Variants in CNTNAP2 observed in about 807,000 individuals in gnomAD.
CNTNAP2 encodes contactin associated protein 2, also known as contactin-associated protein-like 2.
In CNTNAP2, 98 loss-of-function variants were observed where a neutral mutation model predicts 155.2. That is an observed-to-expected ratio of 0.63 (90% confidence interval 0.54 to 0.75). The LOEUF (loss-of-function observed/expected upper bound fraction) is 0.75. Among genes scored for constraint, CNTNAP2 ranks in the 30% least tolerant of loss-of-function variants. The pLI, the probability that CNTNAP2 is intolerant of heterozygous loss-of-function variation, is 0.00. For missense variants in CNTNAP2, 1,727 were observed against 1,688.1 expected (o/e 1.02, Z -0.40); for synonymous variants, 651 against 631.2 (o/e 1.03, Z -0.47).
At chr7:146,142,794 C>T (rs1242140608) in intron 1 of CNTNAP2, among the ~76,000 whole-genome samples, 1 of 152,050 alleles carries the variant, frequency 6.6e-6, no homozygotes, top group African/African-American at 2.4e-5. Flanking sequence ...TGATTATTCC[C>T]AAATTGAGAG....
At chr7:146,214,448 C>T (rs1799083795) in intron 1 of CNTNAP2, among the ~76,000 whole-genome samples, 1 of 152,174 alleles carries the variant, frequency 6.6e-6, no homozygotes, top group Non-Finnish European at 1.5e-5. Flanking sequence ...TCCACGTTCA[C>T]CTTGTTTGCC....
chr7:147,236,421 GTT>G lies in CNTNAP2; in HGVS notation c.1349-63708_1349-63707del, dbSNP rs11341712. Among the ~76,000 whole-genome samples, 425 of 139,066 alleles carry G rather than the reference GTT, an allele frequency of 3.1e-3. 2 individuals are homozygous for G. Among genetic ancestry groups the G allele is most frequent in the African/African-American group, 4.8e-3 (182 of 37,962 alleles). The allele number at this position is 139,066 out of a possible 152,430, so 91.2% of individuals were successfully genotyped here. On this transcript the variant is annotated intron_variant, in intron 8 of 23. Transcript: ENST00000361727. ...AACAATTACATTTTATTTTAAGCTT[GTT>G]TTTTTTTTTTTAACAGTCTATCCTC...
At chr7:146,809,726 A>T (rs1400054848) in intron 2 of CNTNAP2, among the ~76,000 whole-genome samples, 2 of 152,094 alleles carry the variant, frequency 1.3e-5, no homozygotes, top group Non-Finnish European at 1.5e-5. Flanking sequence ...ATTGTTTTGT[A>T]ATTGAGTTCC....
In CNTNAP2 at chr7:146,657,483, A is replaced by G. The variant is rs975843171; in HGVS notation, c.98-116788A>G. Among the ~76,000 whole-genome samples the G allele has an allele frequency of 7.9e-5, 12 of 152,124 alleles. No homozygotes were observed. In the East Asian group the frequency reaches 1.7e-3, roughly 22 times the overall value. Reference sequence around the variant, plus strand: ...ATTTCTAGTAGCTACTTCAAAAAACAAGTTTTCTGAGTTGCTCTCTTATTT... The same window carrying G: ...ATTTCTAGTAGCTACTTCAAAAAACGAGTTTTCTGAGTTGCTCTCTTATTT... On this transcript the variant is annotated intron_variant, in intron 1 of 23. Transcript: ENST00000361727.
At chr7:147,745,190 C>T (rs528800572) in intron 13 of CNTNAP2, among the ~76,000 whole-genome samples, 7 of 152,276 alleles carry the variant, frequency 4.6e-5, no homozygotes, top group African/African-American at 1.7e-4. Context: ...CTCTCTGTGA[C>T]TGAATCAAAT....
chr7:147,106,603 T>A (rs1167575243), intron 4 of CNTNAP2, among the ~76,000 whole-genome samples: 1 of 152,156 alleles, frequency 6.6e-6, no homozygotes, highest in Non-Finnish European at 1.5e-5. Context: ...TTTTATAATA[T>A]AACATTGTAC....
intron 18 of CNTNAP2, among the ~76,000 whole-genome samples, chr7:148,174,418 C>CG (rs1794895006): frequency 2.7e-5 from 1 of 36,404 alleles, no homozygotes; most frequent in Non-Finnish European, 6.3e-5. Flanking sequence ...GTTCCTGTGA[C>CG]CGCCCCCCAC....
intron 14 of CNTNAP2, among the ~76,000 whole-genome samples, chr7:147,957,516 CAGGGGAG>C (rs1430014011): frequency 6.6e-6 from 1 of 151,920 alleles, no homozygotes; most frequent in East Asian, 1.9e-4. Context: ...AGGGTATCAC[CAGGGGAG>C]TAGGTGGCTG....
chr7:146,734,330 G>A (rs1042797898), intron 1 of CNTNAP2, among the ~76,000 whole-genome samples: 1 of 152,064 alleles, frequency 6.6e-6, no homozygotes, highest in African/African-American at 2.4e-5. Flanking sequence ...TTTTCAAAAA[G>A]CATGTTAGGA....
intron 1 of CNTNAP2, among the ~76,000 whole-genome samples, chr7:146,502,758 A>C (rs2129133631): frequency 6.6e-6 from 1 of 152,140 alleles, no homozygotes; most frequent in African/African-American, 2.4e-5. Flanking sequence ...GCATGCTGCA[A>C]GCGTGCACCA....
chr7:147,156,279 T>C (rs572808522), intron 8 of CNTNAP2, among the ~76,000 whole-genome samples: 6 of 152,324 alleles, frequency 3.9e-5, no homozygotes, highest in Admixed American at 1.3e-4. Flanking sequence ...TTGCCACTTT[T>C]GGTATTACAC....
intron 19 of CNTNAP2, among the ~76,000 whole-genome samples, chr7:148,221,140 G>A (rs956571180): frequency 6.6e-6 from 1 of 152,112 alleles, no homozygotes; most frequent in Non-Finnish European, 1.5e-5. Flanking sequence ...TCATGCCTGT[G>A]TGAGGACTTT....
At chr7:146,788,139 C>T (rs1315628743) in intron 2 of CNTNAP2, among the ~76,000 whole-genome samples, 1 of 152,188 alleles carries the variant, frequency 6.6e-6, no homozygotes, top group Admixed American at 6.5e-5. Flanking sequence ...AGCTTGTCCC[C>T]CAAACAAGCC....
intron 3 of CNTNAP2, among the ~76,000 whole-genome samples, chr7:146,919,840 C>T (rs1165274562): frequency 6.6e-6 from 1 of 152,094 alleles, no homozygotes. Context: ...TCTGTGGATT[C>T]TTTTGGCTTT....
At chr7:147,712,732 C>T (rs549050807) in intron 13 of CNTNAP2, among the ~76,000 whole-genome samples, 3 of 152,160 alleles carry the variant, frequency 2.0e-5, no homozygotes, top group South Asian at 2.1e-4. Flanking sequence ...CATCACACAC[C>T]GGGGCCTGTC....
intron 20 of CNTNAP2, among the ~76,000 whole-genome samples, chr7:148,264,765 G>C (rs1474261684): frequency 6.6e-6 from 1 of 152,068 alleles, no homozygotes; most frequent in African/African-American, 2.4e-5. Flanking sequence ...CGCGATCTCG[G>C]CTCACTGGAA....
At chr7:146,349,586 T>C (rs1794881230) in intron 1 of CNTNAP2, among the ~76,000 whole-genome samples, 1 of 152,214 alleles carries the variant, frequency 6.6e-6, no homozygotes, top group Non-Finnish European at 1.5e-5. Flanking sequence ...CATTTTGGCA[T>C]GTTTTTGCAG....
intron 11 of CNTNAP2, among the ~76,000 whole-genome samples, chr7:147,490,575 A>G (rs890604276): frequency 7.9e-5 from 12 of 152,332 alleles, no homozygotes; most frequent in Admixed American, 3.9e-4. Flanking sequence ...ACTAACATAG[A>G]GCATAAAGAC....
rs975460558 is a variant in CNTNAP2, at chr7:148,417,122, G to A, written c.*1506G>A. The A allele has an allele frequency of 6.6e-6, 1 of 152,152 alleles. No individual in the cohort carries two copies. Among genetic ancestry groups the A allele is most frequent in the Non-Finnish European group, 1.5e-5 (1 of 68,022 alleles). 9.4% of individuals were successfully genotyped at this position (152,152 alleles called of 1,614,324 possible). ...AAGTCTTGAGATCCCACCATTCTGA[G>A]GAATTCAATATGATCACTTTTTCCT... is the stretch of plus-strand genomic sequence containing the variant. On this transcript the variant is annotated 3_prime_UTR_variant, in exon 24 of 24. Transcript: ENST00000361727.
Sources: gnomAD v4.1 joint callset for allele counts (sites outside exome capture counted in the v4.1 genomes callset) on GRCh38, gnomAD v4.1.1 for gene constraint, MANE v1.5 for transcripts, NCBI Gene and HGNC (gene_info 2026-07-23, HGNC 2026-07-21) for gene names.